Variants in MACO1 observed in about 807,000 individuals in gnomAD.
MACO1 encodes macoilin.
Under a neutral mutation model 78.7 loss-of-function variants are expected in MACO1, and 14 were observed. The observed-to-expected ratio is 0.18, with a 90% CI of 0.12 to 0.28. MACO1 has a LOEUF of 0.28. Among genes scored for constraint, MACO1 ranks in the 10% least tolerant of loss-of-function variants. The pLI, the probability that MACO1 is intolerant of heterozygous loss-of-function variation, is 1.00. For synonymous variants in MACO1, 288 were observed against 291.6 expected (o/e 0.99, Z 0.12); for missense variants, 501 against 799.0 (o/e 0.63, Z 4.50).
chr1:25,491,057 A>T (rs1312114320), intron 9 of MACO1, among the ~76,000 whole-genome samples: 1 of 152,220 alleles, frequency 6.6e-6, no homozygotes, highest in Non-Finnish European at 1.5e-5. Flanking sequence ...ATGCAGGTTG[A>T]GTTTTGGCAA....
At chr1:25,492,452 G>T (rs2043495311) in intron 10 of MACO1, among the ~76,000 whole-genome samples, 1 of 152,110 alleles carries the variant, frequency 6.6e-6, no homozygotes, top group Non-Finnish European at 1.5e-5. Context: ...GAGCAGGAGT[G>T]AGCCGTGTAA....
chr1:25,492,344 C>T (rs953548253), intron 10 of MACO1, among the ~76,000 whole-genome samples: 6 of 152,040 alleles, frequency 3.9e-5, no homozygotes, highest in East Asian at 1.9e-4. Context: ...AAAGCCATGG[C>T]GAGACAGAAC....
intron 10 of MACO1, among the ~76,000 whole-genome samples, chr1:25,494,578 A>G (rs1269291453): frequency 2.0e-5 from 3 of 152,146 alleles, no homozygotes; most frequent in Admixed American, 6.5e-5. Context: ...TCCCTCCTAT[A>G]GCATGTGAAA....
chr1:25,493,003 T>C (rs1393286306), intron 10 of MACO1, among the ~76,000 whole-genome samples: 3 of 152,036 alleles, frequency 2.0e-5, no homozygotes, highest in African/African-American at 7.2e-5. Context: ...CTGGGGAACA[T>C]AGCGAGACCT....
chr1:25,463,170 A>G (rs1434129303), intron 6 of MACO1, among the ~76,000 whole-genome samples: 1 of 152,192 alleles, frequency 6.6e-6, no homozygotes, highest in Non-Finnish European at 1.5e-5. Context: ...TTCATTTTTA[A>G]TATCTCTCTA....
chr1:25,470,442 A>G (rs1169309630), intron 6 of MACO1, among the ~76,000 whole-genome samples: 3 of 152,154 alleles, frequency 2.0e-5, no homozygotes, highest in African/African-American at 4.8e-5. Context: ...GGACCTGACC[A>G]TTGGGTTGAA....
chr1:25,456,897 T>A, intron 5 of MACO1, 66 bp downstream of exon 5: 1 of 1,502,156 alleles, frequency 6.7e-7, no homozygotes, highest in South Asian at 1.4e-5. Context: ...TGGTAGAATT[T>A]TCTTTTCTGG....
rs1410822565 is a variant in MACO1, at chr1:25,499,235, T to G, written c.*769T>G. 2 of 152,342 alleles carry G rather than the reference T, an allele frequency of 1.3e-5. No homozygotes were observed. Among genetic ancestry groups the G allele is most frequent in the Non-Finnish European group, 2.9e-5 (2 of 68,020 alleles). The allele number at this position is 152,342 out of a possible 1,614,324, so 9.4% of individuals were successfully genotyped here. ...CCTTTACCGTCATCTATCCTCTATC[T>G]GTATCAAGCTCACTGCGGATCCTGC... On this transcript the variant is annotated 3_prime_UTR_variant, in exon 11 of 11. Coordinates refer to ENST00000374343, the MANE Select transcript of MACO1 (RefSeq NM_018202.6).
intron 1 of MACO1, among the ~76,000 whole-genome samples, chr1:25,443,844 T>C (rs1486706649): frequency 6.6e-6 from 1 of 152,176 alleles, no homozygotes; most frequent in African/African-American, 2.4e-5. Flanking sequence ...GGACTAGACC[T>C]GATGGGGTAC....
chr1:25,456,406 A>G (rs1211455498), intron 4 of MACO1, among the ~76,000 whole-genome samples: 2 of 152,206 alleles, frequency 1.3e-5, no homozygotes, highest in African/African-American at 2.4e-5. Context: ...GCCAACGTCT[A>G]ATGGGAAGTG....
At chr1:25,438,285 T>C (rs923434540) in intron 1 of MACO1, among the ~76,000 whole-genome samples, 1 of 152,238 alleles carries the variant, frequency 6.6e-6, no homozygotes. Flanking sequence ...ATATAAACAT[T>C]AGAAATTCAT....
chr1:25,488,423 C>CT (rs1296342528), intron 8 of MACO1, among the ~76,000 whole-genome samples: 1 of 152,096 alleles, frequency 6.6e-6, no homozygotes, highest in Non-Finnish European at 1.5e-5. Flanking sequence ...AAGCTAAAAC[C>CT]TGACAGACCC....
chr1:25,446,983 A>T lies in MACO1; in HGVS notation c.222+80A>T. 3 of 1,495,854 alleles carry T rather than the reference A, an allele frequency of 2.0e-6. No homozygotes were observed. In the South Asian group the frequency reaches 4.1e-5, roughly 20 times the overall value. 92.7% of individuals were successfully genotyped at this position (1,495,854 alleles called of 1,614,324 possible). A position where few individuals can be genotyped will look rare whatever the true frequency, so the allele number is the denominator to read the frequency against. On this transcript the variant is annotated intron_variant, in intron 2 of 10. Coordinates refer to ENST00000374343, the MANE Select transcript of MACO1 (RefSeq NM_018202.6). ...TAGATGTTATTAGCAATACTCAGGT[A>T]ACTATGTTAGGATTAGCTAATAGGG...
At chr1:25,462,797 C>CTTTTACAAGGGCGGGTCTTTTACA (rs756385403) in intron 6 of MACO1, among the ~76,000 whole-genome samples, 8 of 151,084 alleles carry the variant, frequency 5.3e-5, no homozygotes, top group East Asian at 3.9e-4. Flanking sequence ...AAAGGGCGGG[C>CTTTTACAAGGGCGGGTCTTTTACA]AGTCTGGCAG....
At chr1:25,457,104 A>T (rs758891425) in intron 5 of MACO1, among the ~76,000 whole-genome samples, 19 of 150,340 alleles carry the variant, frequency 1.3e-4, no homozygotes, top group African/African-American at 2.7e-4. Flanking sequence ...ATTTTTTTTT[A>T]AATTTAGTTT....
chr1:25,468,036 T>C (rs995279058), intron 6 of MACO1, among the ~76,000 whole-genome samples: 6 of 152,194 alleles, frequency 3.9e-5, no homozygotes, highest in Non-Finnish European at 7.3e-5. Flanking sequence ...GGCCCAAGGA[T>C]TGGCACTAGA....
intron 6 of MACO1, among the ~76,000 whole-genome samples, chr1:25,467,359 AT>A (rs945440666): frequency 2.0e-4 from 31 of 152,204 alleles, no homozygotes; most frequent in African/African-American, 7.2e-4. Flanking sequence ...GGAATCAACA[AT>A]TTTGTTTGTA....
At position 25,446,763 on chromosome 1, in the gene MACO1, A is replaced by T. The variant is rs781242004; in HGVS notation, c.82A>T (p.Thr28Ser). 1 of 1,608,538 alleles carries T rather than the reference A, an allele frequency of 6.2e-7. No individual in the cohort carries two copies. Among genetic ancestry groups the T allele is most frequent in the South Asian group, 1.1e-5 (1 of 89,682 alleles). Residue 28 changes from threonine to serine, a missense_variant and splice_region_variant, in exon 2 of 11, where the codon ACA (threonine) becomes TCA (serine). Coordinates refer to ENST00000374343, the MANE Select transcript of MACO1 (RefSeq NM_018202.6). ...ATTCTTTATTTTTATATTTTGCAGT[A>T]CATTTTTATACCTGAAATTCCTGGT... ...NRITEGIYGS[T>S]FLYLKFLVVW...
chr1:25,449,403 G>T (rs1364455311), intron 3 of MACO1, among the ~76,000 whole-genome samples: 2 of 152,168 alleles, frequency 1.3e-5, no homozygotes, highest in African/African-American at 4.8e-5. Context: ...CTTACCTACT[G>T]TTCCTGGTAC....
Sources: gnomAD v4.1 joint callset for allele counts (sites outside exome capture counted in the v4.1 genomes callset) on GRCh38, gnomAD v4.1.1 for gene constraint, MANE v1.5 for transcripts, NCBI Gene and HGNC (gene_info 2026-07-23, HGNC 2026-07-21) for gene names.